ESR1: variants seen among roughly 807,000 people sequenced by gnomAD.
The protein encoded by ESR1 is estrogen receptor 1, also known as estrogen receptor.
ESR1 carries 12 observed loss-of-function variants against 52.7 expected under a neutral mutation model. The ratio of observed to expected loss-of-function variants is 0.23; its 90% CI spans 0.15 to 0.37. The LOEUF (loss-of-function observed/expected upper bound fraction) is 0.37, where lower values mean the gene tolerates loss of function less well. ESR1 is among the 10% of genes least tolerant of loss of function. The probability of loss-of-function intolerance (pLI) is 1.00; values close to 1 mark genes in which losing one functional copy is unlikely to be tolerated. For missense variants in ESR1, 584 were observed against 779.7 expected, an observed-to-expected ratio of 0.75 and a Z score of 2.99; for synonymous variants, 305 against 316.8, an observed-to-expected ratio of 0.96 and a Z score of 0.39.
chr6:151,911,237 A>G (rs1163315683), intron 3 of ESR1, among the ~76,000 whole-genome samples: 2 of 152,208 alleles, frequency 1.3e-5, no homozygotes, highest in Non-Finnish European at 2.9e-5. Context: ...ATAGAGACGT[A>G]TAACTTAGAA....
chr6:151,697,417 G>C (rs1429812029), intron 1 of ESR1, among the ~76,000 whole-genome samples: 1 of 152,126 alleles, frequency 6.6e-6, no homozygotes, highest in East Asian at 1.9e-4. Context: ...CTGTAAAATG[G>C]GCATAACAAC....
At chr6:151,726,950 A>G (rs1002143372) in intron 2 of ESR1, among the ~76,000 whole-genome samples, 2 of 152,148 alleles carry the variant, frequency 1.3e-5, no homozygotes, top group Non-Finnish European at 2.9e-5. Context: ...GCAGGGCAGC[A>G]TTTAACTTTT....
chr6:152,051,632 C>T (rs184012538), intron 5 of ESR1, among the ~76,000 whole-genome samples: 6 of 152,130 alleles, frequency 3.9e-5, no homozygotes, highest in African/African-American at 1.2e-4. Flanking sequence ...CCTTGTCAAC[C>T]CCCAAAACTG....
chr6:151,961,787 A>G (rs2128600159), intron 4 of ESR1, among the ~76,000 whole-genome samples: 1 of 152,248 alleles, frequency 6.6e-6, no homozygotes, highest in African/African-American at 2.4e-5. Flanking sequence ...AGAGAGGGAA[A>G]GTAAATGGAA....
intron 3 of ESR1, among the ~76,000 whole-genome samples, chr6:151,887,834 G>T (rs574188940): frequency 6.6e-6 from 1 of 152,092 alleles, no homozygotes; most frequent in East Asian, 1.9e-4. Flanking sequence ...TAACATTTAA[G>T]TCTTTAATCC....
intron 1 of ESR1, among the ~76,000 whole-genome samples, chr6:151,696,713 A>AGCG (rs1472494488): frequency 1.3e-5 from 2 of 152,182 alleles, no homozygotes; most frequent in African/African-American, 4.8e-5. Context: ...ATTACAGAGT[A>AGCG]GCACACTACA....
intron 6 of ESR1, chr6:152,113,280 G>A (rs2051168912): frequency 6.6e-6 from 1 of 152,230 alleles, no homozygotes; most frequent in Non-Finnish European, 1.5e-5. Context: ...AAACAGGCAG[G>A]GACTGTAATT....
intron 6 of ESR1, among the ~76,000 whole-genome samples, chr6:152,084,021 C>A (rs1177365933): frequency 1.3e-5 from 2 of 152,074 alleles, no homozygotes; most frequent in African/African-American, 4.8e-5. Context: ...TGGAACCAAC[C>A]CAAATGTCCA....
rs371216790 is a variant in ESR1 at position 151,841,722 on chromosome 6, A to AT, written c.453-865dup. On this transcript the variant is annotated intron_variant, in intron 1 of 7. Transcript: ENST00000206249. Reference sequence around the variant, plus strand: ...TTCCTCTGATTGTCTCTCTTTCTACATTTTTTTTTTCTGTGTTCCTCTGAT... The same window carrying AT: ...TTCCTCTGATTGTCTCTCTTTCTACATTTTTTTTTTTCTGTGTTCCTCTGAT... Among the ~76,000 whole-genome samples the AT allele has an allele frequency of 6.3e-4, 89 of 142,228 alleles. 1 individual carries two copies. The highest frequency in any genetic ancestry group is 1.7e-3 in the African/African-American group (65 of 38,746). 93.3% of individuals were successfully genotyped at this position (142,228 alleles called of 152,430 possible).
At chr6:151,707,718 A>AT (rs944293751) in intron 2 of ESR1, among the ~76,000 whole-genome samples, 16 of 151,176 alleles carry the variant, frequency 1.1e-4, no homozygotes, top group South Asian at 4.2e-4. Flanking sequence ...TGCCAGATAT[A>AT]TTTTTTTTTA....
chr6:151,957,297 T>A (rs2128581500), intron 4 of ESR1, among the ~76,000 whole-genome samples: 2 of 152,280 alleles, frequency 1.3e-5, no homozygotes, highest in Admixed American at 1.3e-4. Flanking sequence ...AGGATTTGGA[T>A]ATAATTAATT....
At chr6:152,020,839 A>G (rs1321550561) in intron 5 of ESR1, among the ~76,000 whole-genome samples, 1 of 152,056 alleles carries the variant, frequency 6.6e-6, no homozygotes, top group Non-Finnish European at 1.5e-5. Context: ...TAAAATTTGC[A>G]ATTGTTTTTA....
intron 2 of ESR1, among the ~76,000 whole-genome samples, chr6:151,745,726 T>A (rs1008806214): frequency 2.6e-5 from 4 of 152,234 alleles, no homozygotes; most frequent in East Asian, 1.9e-4. Flanking sequence ...GTCATTAATT[T>A]AAAAAATTAT....
At chr6:151,862,350 G>T (rs1789039060) in intron 2 of ESR1, among the ~76,000 whole-genome samples, 1 of 152,156 alleles carries the variant, frequency 6.6e-6, no homozygotes, top group Non-Finnish European at 1.5e-5. Context: ...ATAATAGCTG[G>T]CTCCTCATCC....
chr6:152,121,936 A>T (rs1229167122), intron 6 of ESR1: 1 of 161,070 alleles, frequency 6.2e-6, no homozygotes, highest in Non-Finnish European at 1.4e-5. Flanking sequence ...AAAACAAGGT[A>T]AAAAGGAAGC....
chr6:151,923,883 C>A (rs2032182991), intron 3 of ESR1, among the ~76,000 whole-genome samples: 1 of 152,138 alleles, frequency 6.6e-6, no homozygotes, highest in African/African-American at 2.4e-5. Flanking sequence ...TAAGAAATTG[C>A]CAACCTATCT....
chr6:151,718,153 T>G (rs1296781534), intron 2 of ESR1, among the ~76,000 whole-genome samples: 2 of 152,198 alleles, frequency 1.3e-5, no homozygotes, highest in Non-Finnish European at 2.9e-5. Context: ...TTTTCAAATA[T>G]AAAATGGGAA....
chr6:151,871,695 G>A (rs927011610), intron 2 of ESR1, among the ~76,000 whole-genome samples: 3 of 152,264 alleles, frequency 2.0e-5, no homozygotes, highest in South Asian at 2.1e-4. Flanking sequence ...ATGAGCCACT[G>A]TGCCCGGCCA....
At chr6:151,696,721 A>G (rs1331124426) in intron 1 of ESR1, among the ~76,000 whole-genome samples, 2 of 152,210 alleles carry the variant, frequency 1.3e-5, no homozygotes, top group East Asian at 1.9e-4. Flanking sequence ...GTAGCACACT[A>G]CAATATGTGC....
Sources: allele counts gnomAD v4.1 joint callset (sites outside exome capture counted in the v4.1 genomes callset), GRCh38; gene constraint gnomAD v4.1.1; transcripts MANE v1.5; gene names NCBI Gene and HGNC (gene_info 2026-07-23, HGNC 2026-07-21).